Variants in GALNT8 observed in about 807,000 individuals in gnomAD.
GALNT8 encodes the protein polypeptide N-acetylgalactosaminyltransferase 8, also known as probable polypeptide N-acetylgalactosaminyltransferase 8.
Under a neutral mutation model 62.7 loss-of-function variants are expected in GALNT8, and 66 were observed. That is an observed-to-expected ratio of 1.05 (90% CI 0.86 to 1.29). The LOEUF is 1.29. GALNT8 is among the 50% of genes most tolerant of loss of function. The pLI is 0.00. For missense variants in GALNT8, 771 were observed against 791.8 expected (o/e 0.97, Z 0.32); for synonymous variants, 288 against 294.3 (o/e 0.98, Z 0.22).
chr12:4,736,323 A>G (rs11063323), intron 2 of GALNT8, among the ~76,000 whole-genome samples: 65,028 of 151,966 alleles, frequency 0.43, 14,291 homozygotes, highest in East Asian at 0.56. Flanking sequence ...TAAAAATAAA[A>G]TCATGCACAT....
At chr12:4,758,662 GAGAGA>G (rs1946357662) in intron 6 of GALNT8, among the ~76,000 whole-genome samples, 1 of 151,440 alleles carries the variant, frequency 6.6e-6, no homozygotes, top group African/African-American at 2.4e-5. Context: ...GAGAGAGAGA[GAGAGA>G]GAGAGAGAGA....
intron 2 of GALNT8, among the ~76,000 whole-genome samples, chr12:4,728,415 G>A (rs1035945857): frequency 2.6e-5 from 4 of 151,858 alleles, no homozygotes; most frequent in Admixed American, 2.6e-4. Context: ...TGTACTTTTG[G>A]TGTTATATCT....
chr12:4,768,185 T>C (rs1236524269), intron 10 of GALNT8, among the ~76,000 whole-genome samples: 1 of 152,182 alleles, frequency 6.6e-6, no homozygotes, highest in African/African-American at 2.4e-5. Context: ...ATTACTCAAA[T>C]ACACATTTTA....
intron 6 of GALNT8, among the ~76,000 whole-genome samples, chr12:4,748,427 T>C (rs571617749): frequency 1.7e-4 from 26 of 152,328 alleles, no homozygotes; most frequent in African/African-American, 6.3e-4. Context: ...CTACTTTCAT[T>C]CTTCTGCATA....
intron 3 of GALNT8, among the ~76,000 whole-genome samples, chr12:4,742,887 C>T (rs1390888623): frequency 1.3e-5 from 2 of 152,098 alleles, no homozygotes; most frequent in South Asian, 2.1e-4. Context: ...TCAGAAAACC[C>T]GTCGAGGCGT....
rs991715375 is a variant in GALNT8, at chr12:4,749,582, C to T, written c.1173+3324C>T. On this transcript the variant is annotated intron_variant, in intron 6 of 10. Coordinates refer to ENST00000252318, the MANE Select transcript of GALNT8 (RefSeq NM_017417.2). The surrounding 1 kb of genome is among the most constrained non-coding windows in gnomAD (Gnocchi z 4.1). ...TAATATTTTGTTGAGGATTTTTGTG[C>T]CAATATTCATCAGAGATATTGGCCT... Among the ~76,000 whole-genome samples the T allele has an allele frequency of 6.6e-6, 1 of 151,364 alleles. No homozygotes were observed. Among genetic ancestry groups the T allele is most frequent in the Non-Finnish European group, 1.5e-5 (1 of 67,800 alleles).
chr12:4,767,597 C>T (rs74056124), intron 10 of GALNT8, among the ~76,000 whole-genome samples: 1,784 of 152,240 alleles, frequency 0.012, 41 homozygotes, highest in African/African-American at 0.041. Context: ...TTACTAAAGG[C>T]CTTACAGCTT....
chr12:4,726,870 G>C lies in GALNT8; in HGVS notation c.509+41G>C. 1 of 1,516,238 alleles carries C rather than the reference G, an allele frequency of 6.6e-7. No individual in the cohort carries two copies. The highest frequency in any genetic ancestry group is 9.0e-7 in the Non-Finnish European group (1 of 1,113,388). 93.9% of individuals were successfully genotyped at this position (1,516,238 alleles called of 1,614,324 possible). ...CTTGGGCTTCTAGGGTCCTCAGTTT[G>C]ATTTGAGGATGAGCTTTGGGAGCAG... is the stretch of plus-strand genomic sequence containing the variant. On this transcript the variant is annotated intron_variant, in intron 2 of 10. Transcript: ENST00000252318. The surrounding 1 kb of genome is among the most constrained non-coding windows in gnomAD (Gnocchi z 4.1).
At chr12:4,735,801 G>T (rs752376985) in intron 2 of GALNT8, among the ~76,000 whole-genome samples, 1 of 152,140 alleles carries the variant, frequency 6.6e-6, no homozygotes, top group African/African-American at 2.4e-5. Flanking sequence ...TCTAGAAGTG[G>T]GCTTCTGTCT....
chr12:4,763,808 C>T (rs879480241), intron 8 of GALNT8, 144 bp from the exon 9 acceptor site: 6 of 638,602 alleles, frequency 9.4e-6, no homozygotes, highest in Non-Finnish European at 1.7e-5. Context: ...TAGAAAATGC[C>T]TGCCGGGATC....
At chr12:4,771,248 G>GT (rs1266000987) in intron 10 of GALNT8, among the ~76,000 whole-genome samples, 3 of 152,216 alleles carry the variant, frequency 2.0e-5, no homozygotes, top group Non-Finnish European at 4.4e-5. Flanking sequence ...CTGCTCAGTT[G>GT]GCAGACCCTG....
intron 6 of GALNT8, 54 bp from the exon 7 acceptor site, chr12:4,760,904 C>G: frequency 6.9e-7 from 1 of 1,440,076 alleles, no homozygotes; most frequent in Non-Finnish European, 9.7e-7. Context: ...TGTCAATAAG[C>G]TATGCAATTC....
At chr12:4,737,406 C>T (rs1299174302) in intron 2 of GALNT8, among the ~76,000 whole-genome samples, 1 of 152,180 alleles carries the variant, frequency 6.6e-6, no homozygotes, top group Non-Finnish European at 1.5e-5. Context: ...CACCTGTGTA[C>T]ATTTTACCCC....
intron 10 of GALNT8, among the ~76,000 whole-genome samples, chr12:4,770,722 C>T (rs1946420502): frequency 6.6e-6 from 1 of 152,186 alleles, no homozygotes; most frequent in African/African-American, 2.4e-5. Context: ...AAATGCCCAG[C>T]ACTCAAACAC....
chr12:4,722,166 C>T (rs1467244094), intron 1 of GALNT8, among the ~76,000 whole-genome samples: 2 of 152,280 alleles, frequency 1.3e-5, no homozygotes, highest in East Asian at 1.9e-4. Flanking sequence ...TACACAGACA[C>T]AGTAACAATC....
chr12:4,740,711 A>G (rs1946268343), intron 3 of GALNT8, among the ~76,000 whole-genome samples: 1 of 152,216 alleles, frequency 6.6e-6, no homozygotes. Flanking sequence ...GGTGTGAGCC[A>G]CAGTGCCCAG....
intron 10 of GALNT8, among the ~76,000 whole-genome samples, chr12:4,765,827 C>T (rs1015108690): frequency 1.3e-5 from 2 of 152,130 alleles, no homozygotes; most frequent in Non-Finnish European, 2.9e-5. Flanking sequence ...TGGTGTGTTA[C>T]CTAATATTGC....
chr12:4,736,578 AAAAC>A (rs892342147), intron 2 of GALNT8, among the ~76,000 whole-genome samples: 3 of 152,050 alleles, frequency 2.0e-5, no homozygotes, highest in African/African-American at 7.3e-5. Flanking sequence ...CTAAAAGAGA[AAAAC>A]AAGAAGAGAA....
chr12:4,744,873 G>A (rs894936609), intron 4 of GALNT8, among the ~76,000 whole-genome samples, 173 bp downstream of exon 4: 4 of 152,196 alleles, frequency 2.6e-5, no homozygotes, highest in African/African-American at 9.7e-5. Context: ...GCTAAGAGAA[G>A]TAGCATGGTG....
Sources: gnomAD v4.1 joint callset for allele counts (sites outside exome capture counted in the v4.1 genomes callset) on GRCh38, gnomAD v4.1.1 for gene constraint, Gnocchi (gnomAD v3.1) non-coding constraint, MANE v1.5 for transcripts, NCBI Gene and HGNC (gene_info 2026-07-23, HGNC 2026-07-21) for gene names.